The following COL8A1 variants were observed in gnomAD, a reference collection of about 807,000 sequenced individuals.
The protein encoded by COL8A1 is collagen alpha-1(VIII) chain.
COL8A1 carries 21 observed loss-of-function variants against 42.7 expected under a neutral mutation model. The ratio of observed to expected loss-of-function variants is 0.49; its 90% CI spans 0.35 to 0.71. COL8A1 has a LOEUF of 0.71. Among genes scored for constraint, COL8A1 ranks in the 30% least tolerant of loss-of-function variants. The pLI, the probability that COL8A1 is intolerant of heterozygous loss-of-function variation, is 0.01. For missense variants in COL8A1, 788 were observed against 962.4 expected, an observed-to-expected ratio of 0.82 and a Z score of 2.40; for synonymous variants, 367 against 369.1, an observed-to-expected ratio of 0.99 and a Z score of 0.06.
intron 2 of COL8A1, among the ~76,000 whole-genome samples, chr3:99,746,695 A>G (rs1941033498): frequency 6.6e-6 from 1 of 152,250 alleles, no homozygotes. Context: ...TGCAAAAGCA[A>G]TAAAACTTAA....
intron 1 of COL8A1, among the ~76,000 whole-genome samples, chr3:99,709,738 A>G (rs1377772882): frequency 1.3e-5 from 2 of 152,204 alleles, no homozygotes; most frequent in African/African-American, 2.4e-5. Context: ...AATGTTGTGA[A>G]TAGCAACAGA....
chr3:99,691,403 C>T lies in COL8A1; in HGVS notation c.-129+52739C>T, dbSNP rs1240778210. On this transcript the variant is annotated intron_variant, in intron 1 of 3. Transcript: ENST00000652472. ...TAAATCACTTTGCTTTTCTAGGATC[C>T]AGTTTCACCTATGGAATGAGAAAGT... The T allele has an allele frequency of 3.3e-5, 5 of 152,042 alleles. No homozygotes were observed. The East Asian group carries it at 9.6e-4, about 29-fold the overall frequency. The allele number at this position is 152,042 out of a possible 1,614,324, so 9.4% of individuals were successfully genotyped here.
At chr3:99,779,642 C>A (rs1334123510) in intron 2 of COL8A1, among the ~76,000 whole-genome samples, 1 of 152,134 alleles carries the variant, frequency 6.6e-6, no homozygotes, top group Non-Finnish European at 1.5e-5. Context: ...AGGAGACGCG[C>A]CGCACTGAAG....
At chr3:99,677,023 G>T (rs897525948) in intron 1 of COL8A1, among the ~76,000 whole-genome samples, 2 of 151,488 alleles carry the variant, frequency 1.3e-5, no homozygotes, top group African/African-American at 4.9e-5. Context: ...TTTGAGACAA[G>T]CCTAGGCAAC....
chr3:99,673,643 C>A (rs961708978), intron 1 of COL8A1, among the ~76,000 whole-genome samples: 2 of 151,908 alleles, frequency 1.3e-5, no homozygotes, highest in Non-Finnish European at 1.5e-5. Flanking sequence ...TATTTTCCTG[C>A]CTTTCACTCT....
intron 1 of COL8A1, among the ~76,000 whole-genome samples, chr3:99,711,009 G>T (rs1217451351): frequency 6.6e-6 from 1 of 152,086 alleles, no homozygotes; most frequent in Non-Finnish European, 1.5e-5. Flanking sequence ...ACTCTTAATG[G>T]GTACCAAAAG....
intron 1 of COL8A1, among the ~76,000 whole-genome samples, chr3:99,720,310 T>G (rs1254303488): frequency 6.6e-6 from 1 of 152,104 alleles, no homozygotes; most frequent in African/African-American, 2.4e-5. Context: ...CATTTTATAT[T>G]ATTTTCTAAT....
In COL8A1 at chr3:99,681,530, G is replaced by A. The variant is rs145806756; in HGVS notation, c.-129+42866G>A. On this transcript the variant is annotated intron_variant, in intron 1 of 3. Coordinates refer to ENST00000652472, the MANE Select transcript of COL8A1 (RefSeq NM_020351.4). ...GGTAGAAAGAGTTTGAGTGGGGAGT[G>A]TATTTAGTCTAGAAACAAAAACTAT... Among the ~76,000 whole-genome samples, 7 of 152,302 alleles carry A rather than the reference G, an allele frequency of 4.6e-5. No individual in the cohort carries two copies. The East Asian group carries it at 1.2e-3, about 25-fold the overall frequency.
chr3:99,775,894 G>T (rs909457867), intron 2 of COL8A1, among the ~76,000 whole-genome samples: 1 of 152,180 alleles, frequency 6.6e-6, no homozygotes, highest in Non-Finnish European at 1.5e-5. Context: ...CAAAATCTGG[G>T]TATTGAGGAA....
At chr3:99,703,406 C>T (rs1939595964) in intron 1 of COL8A1, 1 of 152,190 alleles carries the variant, frequency 6.6e-6, no homozygotes, top group African/African-American at 2.4e-5. Flanking sequence ...TTAACCTTTA[C>T]ACTCTACCCC....
intron 1 of COL8A1, among the ~76,000 whole-genome samples, chr3:99,726,811 G>A (rs1163687478): frequency 1.6e-4 from 25 of 152,026 alleles, no homozygotes; most frequent in Non-Finnish European, 3.5e-4. Flanking sequence ...TTTGGTTACT[G>A]TAGCCTTGTA....
chr3:99,654,608 C>T (rs566326925), intron 1 of COL8A1, among the ~76,000 whole-genome samples: 55 of 152,032 alleles, frequency 3.6e-4, no homozygotes, highest in South Asian at 1.5e-3. Context: ...GGCAACATGG[C>T]GAAACTCCAT....
chr3:99,708,666 C>G (rs1199957325), intron 1 of COL8A1, among the ~76,000 whole-genome samples: 2 of 152,074 alleles, frequency 1.3e-5, no homozygotes, highest in Admixed American at 6.6e-5. Context: ...GTTAGTTGAT[C>G]TCTGCTGGAT....
intron 2 of COL8A1, among the ~76,000 whole-genome samples, chr3:99,778,274 G>A (rs1287285): frequency 0.021 from 3,247 of 152,234 alleles, 49 homozygotes; most frequent in Non-Finnish European, 0.031. Flanking sequence ...GAGGGCCAAC[G>A]ACAGTGAGTT....
Position 99,796,413 on chromosome 3 carries a change from A to G in COL8A1, c.*277A>G, listed in dbSNP as rs528312607. ...GGAATCATATTAGCTGTTTTATGTT[A>G]TATGCTTCCACAGTAACCTGCTTAT... is the stretch of plus-strand genomic sequence containing the variant. On this transcript the variant is annotated 3_prime_UTR_variant, in exon 4 of 4. Transcript: ENST00000652472. 3 of 281,188 alleles carry G rather than the reference A, an allele frequency of 1.1e-5. No individual in the cohort carries two copies. The East Asian group carries it at 1.8e-4, about 16-fold the overall frequency. 17.4% of individuals were successfully genotyped at this position (281,188 alleles called of 1,614,324 possible). A position where few individuals can be genotyped will look rare whatever the true frequency, so the allele number is the denominator to read the frequency against.
Position 99,794,405 on chromosome 3 carries a change from G to A in COL8A1, c.504G>A (p.Lys168=). The change falls in exon 4 of 4, where the codon AAG becomes AAA. Residue 168 remains lysine, a synonymous_variant. Coordinates refer to ENST00000652472, the MANE Select transcript of COL8A1 (RefSeq NM_020351.4). This position sits in a 1 kb window ranked among gnomAD's most constrained non-coding sequence, Gnocchi z 4.3. ...GKPGMPGMPG[K]PGAMGMPGAK... ...CAGGTATGCCTGGAATGCCAGGGAA[G>A]CCAGGAGCCATGGGCATGCCTGGGG... is the stretch of plus-strand genomic sequence containing the variant. 6.2e-7 allele frequency: 1 copy of A among 1,613,992 alleles called. No individual in the cohort carries two copies. The highest frequency in any genetic ancestry group is 8.5e-7 in the Non-Finnish European group (1 of 1,179,966).
chr3:99,785,302 T>C (rs542437737), intron 2 of COL8A1, among the ~76,000 whole-genome samples: 2 of 152,264 alleles, frequency 1.3e-5, no homozygotes, highest in East Asian at 3.9e-4. Context: ...AAAGCCCCTA[T>C]CAACACACTA....
intron 1 of COL8A1, among the ~76,000 whole-genome samples, chr3:99,689,947 C>T (rs1939170060): frequency 6.6e-6 from 1 of 152,176 alleles, no homozygotes; most frequent in African/African-American, 2.4e-5. Flanking sequence ...CACACTTTAC[C>T]TAAAAATCTT....
At chr3:99,760,169 A>G (rs1192757062) in intron 2 of COL8A1, among the ~76,000 whole-genome samples, 1 of 152,162 alleles carries the variant, frequency 6.6e-6, no homozygotes, top group African/African-American at 2.4e-5. Context: ...TTATTTTGAG[A>G]ATGTCTTTTC....
Sources: gnomAD v4.1 joint callset for allele counts (sites outside exome capture counted in the v4.1 genomes callset) on GRCh38, gnomAD v4.1.1 for gene constraint, Gnocchi (gnomAD v3.1) non-coding constraint, MANE v1.5 for transcripts, NCBI Gene and HGNC (gene_info 2026-07-23, HGNC 2026-07-21) for gene names.